Variants in SLC16A7 observed in about 807,000 individuals in gnomAD.
The protein encoded by SLC16A7 is solute carrier family 16 member 7.
Under a neutral mutation model 34.9 loss-of-function variants are expected in SLC16A7, and 33 were observed. The ratio of observed to expected loss-of-function variants is 0.94; its 90% confidence interval spans 0.72 to 1.26. The LOEUF (loss-of-function observed/expected upper bound fraction) is 1.26. SLC16A7 is among the 50% of genes most tolerant of loss of function. The pLI, the probability that SLC16A7 is intolerant of heterozygous loss-of-function variation, is 0.00. For synonymous variants in SLC16A7, 201 were observed against 206.6 expected (o/e 0.97, Z 0.23); for missense variants, 573 against 578.1 (o/e 0.99, Z 0.09).
intron 2 of SLC16A7, among the ~76,000 whole-genome samples, chr12:59,665,280 T>C (rs1869098643): frequency 6.6e-6 from 1 of 152,054 alleles, no homozygotes; most frequent in Non-Finnish European, 1.5e-5. Flanking sequence ...AAGTCTTGGC[T>C]AGTAAGGAAA....
intron 3 of SLC16A7, chr12:59,733,713 CA>C (rs1483356515): frequency 8.8e-6 from 4 of 455,928 alleles, no homozygotes; most frequent in Non-Finnish European, 1.8e-5. Flanking sequence ...TCCCGCCATT[CA>C]GCAGGTCCCA....
At chr12:59,739,019 C>CATTT (rs71850686) in intron 3 of SLC16A7, among the ~76,000 whole-genome samples, 112 of 146,474 alleles carry the variant, frequency 7.6e-4, no homozygotes, top group South Asian at 2.4e-3. Context: ...ATTTTTTTTT[C>CATTT]ATTTATTTAT....
intron 2 of SLC16A7, among the ~76,000 whole-genome samples, chr12:59,668,438 T>C (rs1869392690): frequency 6.6e-6 from 1 of 152,218 alleles, no homozygotes; most frequent in Non-Finnish European, 1.5e-5. Flanking sequence ...TTTGGAACTT[T>C]AAGATTTAAT....
rs1192353966 is a variant in SLC16A7, at chr12:59,771,216, T to A, written c.218-3T>A. 2 of 1,610,882 alleles carry A rather than the reference T, an allele frequency of 1.2e-6. No individual in the cohort carries two copies. Among genetic ancestry groups the A allele is most frequent in the Admixed American group, 1.7e-5 (1 of 59,454 alleles). ...GTATTTCTTTATCTCCTCTCTGCTG[T>A]AGGTCCTGTAAGTAGTGTTTTGGTG... On this transcript the variant is annotated splice_polypyrimidine_tract_variant and splice_region_variant and intron_variant, in intron 3 of 5. Transcript: ENST00000547379.
chr12:59,765,690 AT>A (rs1781464279), intron 3 of SLC16A7, among the ~76,000 whole-genome samples: 1 of 152,268 alleles, frequency 6.6e-6, no homozygotes, highest in African/African-American at 2.4e-5. Flanking sequence ...CCGTTGGTCT[AT>A]ATCTCTGTTT....
intron 2 of SLC16A7, among the ~76,000 whole-genome samples, chr12:59,671,124 G>A (rs909383307): frequency 2.0e-5 from 3 of 152,092 alleles, no homozygotes; most frequent in Non-Finnish European, 4.4e-5. Flanking sequence ...TGAATTCGAG[G>A]TTCTTTATTC....
At chr12:59,744,373 C>T (rs998085343) in intron 3 of SLC16A7, among the ~76,000 whole-genome samples, 4 of 152,144 alleles carry the variant, frequency 2.6e-5, no homozygotes, top group Non-Finnish European at 5.9e-5. Flanking sequence ...TTCAGAGTGA[C>T]GGCTTGACAA....
intron 3 of SLC16A7, among the ~76,000 whole-genome samples, chr12:59,763,423 A>ACTTGAATCT (rs1474003472): frequency 6.6e-6 from 1 of 152,144 alleles, no homozygotes; most frequent in Non-Finnish European, 1.5e-5. Flanking sequence ...CTGACAATTC[A>ACTTGAATCT]CTTGAATCTT....
chr12:59,645,248 A>T (rs527534334), intron 1 of SLC16A7, among the ~76,000 whole-genome samples: 2 of 152,202 alleles, frequency 1.3e-5, no homozygotes, highest in Non-Finnish European at 2.9e-5. Context: ...GCAAGAGAAG[A>T]CATGATGCTA....
chr12:59,635,294 G>A (rs1484708593), intron 1 of SLC16A7, among the ~76,000 whole-genome samples: 1 of 151,928 alleles, frequency 6.6e-6, no homozygotes, highest in African/African-American at 2.4e-5. Flanking sequence ...ATGTACTATT[G>A]GAGCTTGAAT....
chr12:59,613,693 A>T (rs1879306540), intron 1 of SLC16A7, among the ~76,000 whole-genome samples: 1 of 152,140 alleles, frequency 6.6e-6, no homozygotes. Flanking sequence ...ATTTTATAGG[A>T]GAGAGATGAT....
intron 3 of SLC16A7, among the ~76,000 whole-genome samples, chr12:59,714,867 T>C (rs1463853814): frequency 2.6e-5 from 4 of 152,130 alleles, no homozygotes; most frequent in African/African-American, 9.7e-5. Context: ...GCCCGGCCTC[T>C]CTCTCTTCTT....
chr12:59,678,601 A>G (rs1330140555), intron 2 of SLC16A7, among the ~76,000 whole-genome samples: 2 of 152,006 alleles, frequency 1.3e-5, no homozygotes, highest in East Asian at 1.9e-4. Context: ...CAGGGTTTTT[A>G]TGGGCTTCAG....
intron 3 of SLC16A7, among the ~76,000 whole-genome samples, chr12:59,710,738 A>G (rs556320034): frequency 1.2e-3 from 184 of 152,302 alleles, no homozygotes; most frequent in African/African-American, 4.1e-3. Flanking sequence ...TTTCAAAAAT[A>G]TGTTATTATA....
intron 3 of SLC16A7, among the ~76,000 whole-genome samples, chr12:59,756,646 A>G (rs922098759): frequency 9.7e-5 from 14 of 144,774 alleles, no homozygotes; most frequent in African/African-American, 3.8e-4. Context: ...AAACACTTCT[A>G]CACTGTTGGT....
At chr12:59,685,236 G>C (rs1292132995) in intron 2 of SLC16A7, among the ~76,000 whole-genome samples, 3 of 152,086 alleles carry the variant, frequency 2.0e-5, no homozygotes, top group African/African-American at 7.2e-5. Context: ...TTCATTATCA[G>C]TGTTTAGTGT....
intron 3 of SLC16A7, among the ~76,000 whole-genome samples, chr12:59,764,568 T>C (rs889034788): frequency 3.3e-5 from 5 of 149,468 alleles, no homozygotes; most frequent in African/African-American, 1.2e-4. Flanking sequence ...CACCTGTGAG[T>C]GAGAACACGT....
chr12:59,638,664 A>T (rs1411207094), intron 1 of SLC16A7, among the ~76,000 whole-genome samples: 1 of 152,154 alleles, frequency 6.6e-6, no homozygotes, highest in East Asian at 1.9e-4. Flanking sequence ...GTAAGTTTCT[A>T]TCAGAGGAGA....
intron 2 of SLC16A7, chr12:59,665,078 T>A (rs1365378044): frequency 1.3e-5 from 2 of 152,186 alleles, no homozygotes; most frequent in Non-Finnish European, 2.9e-5. Flanking sequence ...ACTTTATATA[T>A]GCTGGCTAAT....
Sources: allele counts gnomAD v4.1 joint callset (sites outside exome capture counted in the v4.1 genomes callset), GRCh38; gene constraint gnomAD v4.1.1; transcripts MANE v1.5; gene names NCBI Gene and HGNC (gene_info 2026-07-23, HGNC 2026-07-21).